The following PLEC variants were observed in gnomAD, a reference collection of about 807,000 sequenced individuals.
PLEC encodes plectin.
In PLEC, 216 loss-of-function variants were observed where a neutral mutation model predicts 392.8. The ratio of observed to expected loss-of-function variants is 0.55; its 90% CI spans 0.49 to 0.62. PLEC has a LOEUF of 0.62. Ranked by LOEUF, PLEC falls within the 20% of genes least tolerant of loss-of-function variation. The probability of loss-of-function intolerance (pLI) is 0.00; values close to 1 mark genes in which losing one functional copy is unlikely to be tolerated. For synonymous variants in PLEC, 3,621 were observed against 2,980.6 expected (o/e 1.21, Z -7.00); for missense variants, 6,863 against 6,563.4 (o/e 1.05, Z -1.58).
upstream of PLEC, chr8:143,939,674 C>T: frequency 4.3e-6 from 6 of 1,395,960 alleles, no homozygotes; most frequent in South Asian, 9.3e-5. Flanking sequence ...CCTGCCCAGG[C>T]CGCCGCCAGG....
upstream of PLEC, among the ~76,000 whole-genome samples, chr8:143,975,547 C>T (rs374828095): frequency 6.6e-6 from 1 of 151,926 alleles, no homozygotes; most frequent in Non-Finnish European, 1.5e-5. The surrounding 1 kb of genome is among the most constrained non-coding windows in gnomAD (Gnocchi z 9.9). Context: ...ATATTGACCC[C>T]CATGCTCTGG....
chr8:143,919,889 G>T lies in PLEC; in HGVS notation c.9932C>A (p.Pro3311His). ...AGCCAGGAGCTCGCTGGCTGGCACA[G>T]GGGCACGGAGGCCGCTGAAGGACAG... Reference protein sequence around the residue: ...ERLSFSGLRAPVPASELLASG... With the variant: ...ERLSFSGLRAHVPASELLASG... The change falls in exon 32 of 32, where the codon CCT becomes CAT. Residue 3311 changes from proline to histidine, a missense_variant. Transcript: ENST00000345136. The T allele has an allele frequency of 6.2e-7, 1 of 1,613,108 alleles. No individual in the cohort carries two copies. The highest frequency in any genetic ancestry group is 8.5e-7 in the Non-Finnish European group (1 of 1,180,018).
At chr8:143,959,421 G>A (rs897882418) in intron 1 of PLEC, among the ~76,000 whole-genome samples, 1 of 152,262 alleles carries the variant, frequency 6.6e-6, no homozygotes, top group Non-Finnish European at 1.5e-5. Flanking sequence ...TGCAGGGAAC[G>A]CCCCGGCTCC....
chr8:143,952,214 GCA>G (rs1181688101), upstream of PLEC, among the ~76,000 whole-genome samples: 58 of 136,600 alleles, frequency 4.2e-4, no homozygotes, highest in Middle Eastern at 3.6e-3. Context: ...ACACACGCGC[GCA>G]CACACGCACG....
At position 143,920,662 on chromosome 8, in the gene PLEC, C is replaced by A; in HGVS notation, c.9159G>T (p.Met3053Ile). Reference sequence around the variant, plus strand: ...CCTGGGCTTCCAACAGGGCCACGGCCATGTCGGATGGCAGCAGGTCTTTCT... The same window carrying A: ...CCTGGGCTTCCAACAGGGCCACGGCAATGTCGGATGGCAGCAGGTCTTTCT... The part of the protein sequence containing the change: ...ALKKDLLPSD[M>I]AVALLEAQAG... The change falls in exon 32 of 32, where the codon ATG becomes ATT. Residue 3053 changes from methionine to isoleucine, a missense_variant. Coordinates refer to ENST00000345136, the MANE Select transcript of PLEC (RefSeq NM_201384.3). 6.2e-7 allele frequency: 1 copy of A among 1,604,046 alleles called. No homozygotes were observed. Among genetic ancestry groups the A allele is most frequent in the Non-Finnish European group, 8.5e-7 (1 of 1,179,894 alleles).
rs782623419 is a variant in PLEC, at chr8:143,920,952, T to C, written c.8869A>G (p.Lys2957Glu). 5 of 1,612,934 alleles carry C rather than the reference T, an allele frequency of 3.1e-6. No homozygotes were observed. The highest frequency in any genetic ancestry group is 2.2e-5 in the East Asian group (1 of 44,886). Residue 2957 changes from lysine (K) to glutamate (E), a missense_variant, in exon 32 of 32, where the codon AAG becomes GAG. Lys to Glu is a moderately conservative substitution (Grantham distance 56). Coordinates refer to ENST00000345136, the MANE Select transcript of PLEC (RefSeq NM_201384.3). ...TGRITVEKII[K>E]IIITVVEEQE... ...TCCTCCACCACCGTGATGATGATCTTGATGATCTTCTCCACTGTGATCCGG... is the reference window on the plus strand; with the variant it reads ...TCCTCCACCACCGTGATGATGATCTCGATGATCTTCTCCACTGTGATCCGG...
At chr8:143,949,438 AG>A (rs1422329551) in intron 1 of PLEC, among the ~76,000 whole-genome samples, 1 of 152,168 alleles carries the variant, frequency 6.6e-6, no homozygotes, top group African/African-American at 2.4e-5. Flanking sequence ...GCTTGTGGAC[AG>A]AGGGAGGCCA....
rs369202116 is a variant in PLEC, at chr8:143,916,558, G to T, written c.13263C>A (p.Thr4421=). The T allele has an allele frequency of 6.8e-6, 11 of 1,611,468 alleles. No homozygotes were observed. In the South Asian group the frequency reaches 1.2e-4, roughly 18 times the overall value. ...CGCCCACGTCACGCAGCTTCTGTGC[G>T]GTGCGGGCGTCCACCGTGCCGCGCT... ...ALQRGTVDAR[T]AQKLRDVGAY... is the part of the protein sequence containing the mutation. The change falls in exon 32 of 32, where the codon ACC becomes ACA. Residue 4421 remains threonine, a synonymous_variant. Coordinates refer to ENST00000345136, the MANE Select transcript of PLEC (RefSeq NM_201384.3).
rs1554702574 is a variant in PLEC at position 143,925,438 on chromosome 8, C to T, written c.4491G>A (p.Glu1497=). 3.8e-6 allele frequency: 6 copies of T among 1,595,536 alleles called. No homozygotes were observed. In the East Asian group the frequency reaches 1.1e-4, roughly 30 times the overall value. The change falls in exon 31 of 32, where the codon GAG becomes GAA. Residue 1497 remains glutamate (E), a synonymous_variant. Coordinates refer to ENST00000345136, the MANE Select transcript of PLEC (RefSeq NM_201384.3). The part of the protein sequence containing the change: ...AQKRQAQEEA[E]RLRRQVQDES... ...CGTCCTGCACCTGCCTCCGCAAGCGCTCGGCCTCCTCCTGCGCCTGTCGCT... is the reference window on the plus strand; with the variant it reads ...CGTCCTGCACCTGCCTCCGCAAGCGTTCGGCCTCCTCCTGCGCCTGTCGCT...
At position 143,921,869 on chromosome 8, in the gene PLEC, C is replaced by A. The variant is rs375411469; in HGVS notation, c.7952G>T (p.Arg2651Leu). 1 of 1,602,326 alleles carries A rather than the reference C, an allele frequency of 6.2e-7. No individual in the cohort carries two copies. Among genetic ancestry groups the A allele is most frequent in the African/African-American group, 1.3e-5 (1 of 75,042 alleles). ...CTGCAGCCTCTGAGCTGACACCTTC[C>A]GCCGCAGGCCATCGAAGCTGTGCTC... Reference protein sequence around the residue: ...EPEHSFDGLRRKVSAQRLQEA... With the variant: ...EPEHSFDGLRLKVSAQRLQEA... Residue 2651 changes from arginine (R) to leucine (L), a missense_variant, in exon 32 of 32, where the codon CGG becomes CTG. Coordinates refer to ENST00000345136, the MANE Select transcript of PLEC (RefSeq NM_201384.3).
chr8:143,939,698 C>A, upstream of PLEC: 2 of 1,344,802 alleles, frequency 1.5e-6, no homozygotes, highest in Non-Finnish European at 1.9e-6. Context: ...GGGAGTGTCC[C>A]GGCGGGAAGG....
rs782107195 is a variant in PLEC, at chr8:143,932,982, C to T, written c.1548G>A (p.Glu516=). Reference sequence around the variant, plus strand: ...GGTAGCGCAGAGTGGAGTCCTCCAGCTCGGGGCGCCTCTGCACACTCTGCA... The same window carrying T: ...GGTAGCGCAGAGTGGAGTCCTCCAGTTCGGGGCGCCTCTGCACACTCTGCA... ...VTLQSVQRRP[E]LEDSTLRYLQ... Residue 516 remains glutamate, a synonymous_variant, in exon 14 of 32, where the codon GAG becomes GAA. Coordinates refer to ENST00000345136, the MANE Select transcript of PLEC (RefSeq NM_201384.3). 26 of 1,611,114 alleles carry T rather than the reference C, an allele frequency of 1.6e-5. No homozygotes were observed. The highest frequency in any genetic ancestry group is 3.3e-4 in the Middle Eastern group (2 of 5,990).
chr8:143,935,466 G>A (rs942861055), intron 6 of PLEC, among the ~76,000 whole-genome samples, 153 bp from the exon 7 acceptor site: 1 of 152,124 alleles, frequency 6.6e-6, no homozygotes, highest in Non-Finnish European at 1.5e-5. Flanking sequence ...GGGCAGAGCT[G>A]AGAGCACCCT....
chr8:143,942,642 C>G (rs138776721), upstream of PLEC: 24,387 of 1,189,048 alleles, frequency 0.021, 381 homozygotes, highest in Non-Finnish European at 0.024. Flanking sequence ...CCACCTCCCC[C>G]CCACAATCCG....
In PLEC at chr8:143,931,509, C is replaced by T. The variant is rs577582223; in HGVS notation, c.2304+25G>A. 151 of 1,556,890 alleles carry T rather than the reference C, an allele frequency of 9.7e-5. 1 individual carries two copies. Among genetic ancestry groups the T allele is most frequent in the South Asian group, 5.4e-4 (46 of 85,338 alleles). On this transcript the variant is annotated intron_variant, in intron 19 of 31. Transcript: ENST00000345136. Reference sequence around the variant, plus strand: ...GACTCCAGGCCAGCCCCTCCTGACACGCCCCTGCACACCCCCTCCCTCACC... The same window carrying T: ...GACTCCAGGCCAGCCCCTCCTGACATGCCCCTGCACACCCCCTCCCTCACC...
upstream of PLEC, chr8:143,942,584 T>G: frequency 6.8e-7 from 1 of 1,472,356 alleles, no homozygotes; most frequent in Non-Finnish European, 9.0e-7. Flanking sequence ...GCGGCGCCTC[T>G]GCTTCCAGCC....
chr8:143,941,244 A>C (rs932633658), upstream of PLEC, among the ~76,000 whole-genome samples: 12 of 152,144 alleles, frequency 7.9e-5, no homozygotes, highest in Non-Finnish European at 4.4e-5. Flanking sequence ...CTGCTGAGGC[A>C]CAGTGTGAGA....
At chr8:143,951,668 C>T (rs1035734433), upstream of PLEC, among the ~76,000 whole-genome samples, 57 of 152,194 alleles carry the variant, frequency 3.7e-4, no homozygotes, top group Non-Finnish European at 7.1e-4. Context: ...TTCCCAGCCG[C>T]TGCCACAGAG....
chr8:143,931,275 C>T (rs1029783791), intron 19 of PLEC, among the ~76,000 whole-genome samples: 1 of 151,942 alleles, frequency 6.6e-6, no homozygotes, highest in Non-Finnish European at 1.5e-5. Context: ...CTGCCTCATT[C>T]CCCCCTTGGC....
Sources: allele counts gnomAD v4.1 joint callset (sites outside exome capture counted in the v4.1 genomes callset), GRCh38; gene constraint gnomAD v4.1.1; non-coding constraint Gnocchi (gnomAD v3.1); transcripts MANE v1.5; gene names NCBI Gene and HGNC (gene_info 2026-07-23, HGNC 2026-07-21).